The following HMBOX1 variants were observed in gnomAD, a reference collection of about 807,000 sequenced individuals.
HMBOX1 encodes the protein homeobox containing 1, also known as homeobox-containing protein 1.
HMBOX1 carries 14 observed loss-of-function variants against 54.5 expected under a neutral mutation model. That is an observed-to-expected ratio of 0.26 (90% confidence interval 0.17 to 0.40). HMBOX1 has a LOEUF of 0.40. Among genes scored for constraint, HMBOX1 ranks in the 10% least tolerant of loss-of-function variants. The probability of loss-of-function intolerance (pLI) is 1.00; values close to 1 mark genes in which losing one functional copy is unlikely to be tolerated. For missense variants in HMBOX1, 332 were observed against 514.4 expected, an observed-to-expected ratio of 0.65 and a Z score of 3.43; for synonymous variants, 160 against 181.0, an observed-to-expected ratio of 0.88 and a Z score of 0.93.
chr8:28,985,531 T>A (rs1414223155), intron 4 of HMBOX1, among the ~76,000 whole-genome samples: 1 of 152,192 alleles, frequency 6.6e-6, no homozygotes, highest in Non-Finnish European at 1.5e-5. Context: ...ATGCATTTTA[T>A]CAGATGTGCA....
At chr8:29,047,115 G>C (rs1754237053) in intron 7 of HMBOX1, among the ~76,000 whole-genome samples, 1 of 152,186 alleles carries the variant, frequency 6.6e-6, no homozygotes, top group South Asian at 2.1e-4. Flanking sequence ...TATTATGTAT[G>C]GCTTTCCGAA....
At position 28,890,554 on chromosome 8, in the gene HMBOX1, C is replaced by G. The variant is rs1028941044; in HGVS notation, c.-182C>G. The G allele has an allele frequency of 6.6e-6, 1 of 152,642 alleles. No homozygotes were observed. Among genetic ancestry groups the G allele is most frequent in the African/African-American group, 2.4e-5 (1 of 41,358 alleles). The allele number at this position is 152,642 out of a possible 1,614,324, so 9.5% of individuals were successfully genotyped here. A position where few individuals can be genotyped will look rare whatever the true frequency, so the allele number is the denominator to read the frequency against. On this transcript the variant is annotated 5_prime_UTR_variant, in exon 1 of 10. Coordinates refer to ENST00000287701, the MANE Select transcript of HMBOX1 (RefSeq NM_001135726.3). ...CAACCCCTCCCCAGTCCCCTCCCGA[C>G]GGGCGCCCCACGCGGAAGACACCCC... is the stretch of plus-strand genomic sequence containing the variant.
At chr8:28,994,184 G>A (rs1352071726) in intron 4 of HMBOX1, among the ~76,000 whole-genome samples, 2 of 149,908 alleles carry the variant, frequency 1.3e-5, no homozygotes, top group Non-Finnish European at 3.0e-5. Context: ...AAAAAAAGGC[G>A]GGGGGATGGG....
intron 1 of HMBOX1, among the ~76,000 whole-genome samples, chr8:28,909,620 GAC>G (rs1815024230): frequency 6.6e-6 from 1 of 152,064 alleles, no homozygotes; most frequent in Non-Finnish European, 1.5e-5. Context: ...TTTCACACCA[GAC>G]ACAGCTCCTG....
chr8:29,022,019 G>A (rs1179540816), intron 6 of HMBOX1, among the ~76,000 whole-genome samples: 2 of 152,080 alleles, frequency 1.3e-5, no homozygotes, highest in African/African-American at 2.4e-5. Flanking sequence ...ACTCTCATAC[G>A]TTACTTGTAG....
In HMBOX1 at chr8:29,013,631, G is replaced by T. The variant is rs1489489539; in HGVS notation, c.697+4449G>T. 2.6e-5 allele frequency among the ~76,000 whole-genome samples: 4 copies of T among 152,294 alleles called. No individual in the cohort carries two copies. In the South Asian group the frequency reaches 8.3e-4, roughly 32 times the overall value. ...TCAGAATTTACCAGCATAAATGAAAGCCTGCCAAGGCATATTAATAAAATA... is the reference window on the plus strand; with the variant it reads ...TCAGAATTTACCAGCATAAATGAAATCCTGCCAAGGCATATTAATAAAATA... On this transcript the variant is annotated intron_variant, in intron 5 of 9. Coordinates refer to ENST00000287701, the MANE Select transcript of HMBOX1 (RefSeq NM_001135726.3).
intron 4 of HMBOX1, among the ~76,000 whole-genome samples, chr8:29,002,281 C>T (rs1052852200): frequency 6.6e-6 from 1 of 152,218 alleles, no homozygotes; most frequent in Admixed American, 6.5e-5. Context: ...TCTCCCACAA[C>T]TAGGTATCTG....
At chr8:29,033,325 G>C (rs1251371523) in intron 6 of HMBOX1, among the ~76,000 whole-genome samples, 1 of 152,142 alleles carries the variant, frequency 6.6e-6, no homozygotes, top group Non-Finnish European at 1.5e-5. Context: ...AATGACTCGG[G>C]TGGAACATAA....
intron 1 of HMBOX1, among the ~76,000 whole-genome samples, chr8:28,943,820 A>G (rs913295812): frequency 6.6e-6 from 1 of 152,214 alleles, no homozygotes; most frequent in African/African-American, 2.4e-5. Flanking sequence ...CATGTCCTGT[A>G]TCAAGGGATT....
intron 1 of HMBOX1, among the ~76,000 whole-genome samples, chr8:28,922,623 C>T (rs1334975397): frequency 6.6e-6 from 1 of 152,090 alleles, no homozygotes; most frequent in Non-Finnish European, 1.5e-5. Flanking sequence ...ACACAATTTC[C>T]ACATAATTTC....
chr8:28,978,313 A>G (rs185214917), intron 3 of HMBOX1, among the ~76,000 whole-genome samples: 21 of 152,334 alleles, frequency 1.4e-4, no homozygotes, highest in African/African-American at 4.8e-4. Context: ...CAGTTTCTCC[A>G]AATAGTCTAC....
At chr8:29,010,165 T>C (rs923113727) in intron 5 of HMBOX1, 22 of 972,682 alleles carry the variant, frequency 2.3e-5, no homozygotes, top group Non-Finnish European at 7.3e-6. Context: ...ATTAAAAATC[T>C]ATTCTGACTC....
chr8:28,921,120 A>G (rs978638946), intron 1 of HMBOX1, among the ~76,000 whole-genome samples: 2 of 152,220 alleles, frequency 1.3e-5, no homozygotes, highest in Non-Finnish European at 2.9e-5. Flanking sequence ...GGATCATTTG[A>G]GATCAGGAGT....
intron 9 of HMBOX1, chr8:29,049,516 CTGCAGT>C: frequency 7.1e-7 from 1 of 1,403,646 alleles, no homozygotes; most frequent in Non-Finnish European, 9.3e-7. Context: ...TCTGGCCCCA[CTGCAGT>C]GGGAACCCTC....
chr8:28,983,314 A>G (rs1209191683), intron 4 of HMBOX1, among the ~76,000 whole-genome samples: 2 of 152,130 alleles, frequency 1.3e-5, no homozygotes, highest in East Asian at 1.9e-4. Context: ...TCTATTCAGT[A>G]TGCCCCCAGC....
intron 1 of HMBOX1, among the ~76,000 whole-genome samples, chr8:28,907,118 G>A (rs558846533): frequency 2.2e-4 from 34 of 152,246 alleles, no homozygotes; most frequent in Admixed American, 2.0e-3. Context: ...CAAATGAATC[G>A]TCTATATAGG....
chr8:29,014,697 C>T (rs1257896968), intron 5 of HMBOX1, among the ~76,000 whole-genome samples: 2 of 152,042 alleles, frequency 1.3e-5, no homozygotes, highest in Non-Finnish European at 2.9e-5. Flanking sequence ...TCCCCCACCC[C>T]GAGATGGAGT....
At chr8:28,894,394 T>G (rs1004404115) in intron 1 of HMBOX1, among the ~76,000 whole-genome samples, 3 of 152,222 alleles carry the variant, frequency 2.0e-5, no homozygotes, top group African/African-American at 7.2e-5. Flanking sequence ...GAACTTTGAC[T>G]GAAGCTAGAA....
At chr8:28,923,347 C>G (rs191885552) in intron 1 of HMBOX1, among the ~76,000 whole-genome samples, 1 of 152,294 alleles carries the variant, frequency 6.6e-6, no homozygotes, top group East Asian at 1.9e-4. Flanking sequence ...TGTAGCATGA[C>G]TCATTAATTT....
Sources: gnomAD v4.1 joint callset for allele counts (sites outside exome capture counted in the v4.1 genomes callset) on GRCh38, gnomAD v4.1.1 for gene constraint, MANE v1.5 for transcripts, NCBI Gene and HGNC (gene_info 2026-07-23, HGNC 2026-07-21) for gene names.